TYROBP: variants seen among roughly 807,000 people sequenced by gnomAD.
TYROBP encodes the protein transmembrane immune signaling adaptor TYROBP.
In TYROBP, 14 loss-of-function variants were observed where a neutral mutation model predicts 17.1. The ratio of observed to expected loss-of-function variants is 0.82; its 90% CI spans 0.54 to 1.28. The LOEUF is 1.28. Ranked by LOEUF, TYROBP falls within the 50% of genes most tolerant of loss-of-function variation. TYROBP has a pLI of 0.00. For missense variants in TYROBP, 161 were observed against 151.4 expected (o/e 1.06, Z -0.33); for synonymous variants, 73 against 67.4 (o/e 1.08, Z -0.41).
chr19:35,905,619 C>G (rs886110074), intron 4 of TYROBP, among the ~76,000 whole-genome samples: 4 of 151,014 alleles, frequency 2.6e-5, no homozygotes, highest in African/African-American at 9.7e-5. Context: ...TTGAGACCAG[C>G]CTGGGCAACA....
At chr19:35,907,395 C>T (rs1568504655) in intron 3 of TYROBP, 51 bp downstream of exon 3, 1 of 1,593,930 alleles carries the variant, frequency 6.3e-7, no homozygotes, top group South Asian at 1.1e-5. Context: ...ACCCAGCCCC[C>T]CACCCCCATC....
chr19:35,907,234 G>C lies in TYROBP; in HGVS notation c.260C>G (p.Thr87Ser), dbSNP rs143768611. ...AATRKQRITE[T>S]ESPYQELQGQ... is the part of the protein sequence containing the mutation. ...TTTTCTCACCTGATAAGGCGACTCG[G>C]TCTCAGTGATACGCTGTTTCCGGGT... Residue 87 changes from threonine to serine, a missense_variant, in exon 4 of 5, where the codon ACC (threonine) becomes AGC (serine). Physicochemically the swap from Thr to Ser is moderately conservative, Grantham distance 58. Transcript: ENST00000262629. 6.2e-7 allele frequency: 1 copy of C among 1,606,834 alleles called. No individual in the cohort carries two copies. Among genetic ancestry groups the C allele is most frequent in the Admixed American group, 1.7e-5 (1 of 58,040 alleles).
rs372140827 is a variant in TYROBP at position 35,907,535 on chromosome 19, A to G, written c.140T>C (p.Val47Ala). ...TVSPGVLAGI[V>A]MGDLVLTVLI... Reference sequence around the variant, plus strand: ...CACTGTCAGCACCAGGTCTCCCATCACGATCCCTGCCAGCACGCCCGGGCT... The same window carrying G: ...CACTGTCAGCACCAGGTCTCCCATCGCGATCCCTGCCAGCACGCCCGGGCT... The change falls in exon 3 of 5, where the codon GTG (valine) becomes GCG (alanine). Residue 47 changes from valine to alanine, a missense_variant. Physicochemically the swap from Val to Ala is moderately conservative, Grantham distance 64 (BLOSUM62 0). Transcript: ENST00000262629. 133 of 1,614,018 alleles carry G rather than the reference A, an allele frequency of 8.2e-5. No homozygotes were observed. The Middle Eastern group carries it at 1.3e-3, about 16-fold the overall frequency.
chr19:35,908,016 G>T, intron 1 of TYROBP, 152 bp downstream of exon 1: 1 of 805,274 alleles, frequency 1.2e-6, no homozygotes, highest in Non-Finnish European at 2.1e-6. Context: ...TTGGGGGCTT[G>T]GGCTCTGGGA....
Position 35,907,552 on chromosome 19 carries a change from G to GC in TYROBP, c.122dup (p.Val42ArgfsTer45). ...CTCCCATCACGATCCCTGCCAGCAC[G>GC]CCCGGGCTCACCGTAGAGCAACTGC... is the stretch of plus-strand genomic sequence containing the variant. On this transcript the variant is annotated frameshift_variant, in exon 3 of 5. Transcript: ENST00000262629. LOFTEE classifies it high-confidence loss of function. 6.2e-7 allele frequency: 1 copy of GC among 1,614,056 alleles called. No individual in the cohort carries two copies. The highest frequency in any genetic ancestry group is 8.5e-7 in the Non-Finnish European group (1 of 1,179,998).
In TYROBP at chr19:35,905,660, A is replaced by G. The variant is rs1286068288; in HGVS notation, c.277-1026T>C. Among the ~76,000 whole-genome samples the G allele has an allele frequency of 2.6e-5, 4 of 151,702 alleles. No homozygotes were observed. The East Asian group carries it at 7.8e-4, about 30-fold the overall frequency. On this transcript the variant is annotated intron_variant, in intron 4 of 4. Transcript: ENST00000262629. Reference sequence around the variant, plus strand: ...AGAACCTATCTCTACTTTAAAAAAAAAAAAAAAATTAAGGCCGGGCGCGGT... The same window carrying G: ...AGAACCTATCTCTACTTTAAAAAAAGAAAAAAAATTAAGGCCGGGCGCGGT...
chr19:35,908,113 TG>T lies in TYROBP; in HGVS notation c.61+54del, dbSNP rs1193457152. ...TCTCGTTCCACCCCACTCCCTGCCC[TG>T]CCCCAAGCTGAGCCCAGGGACCCGG... is the stretch of plus-strand genomic sequence containing the variant. On this transcript the variant is annotated intron_variant, in intron 1 of 4. Coordinates refer to ENST00000262629, the MANE Select transcript of TYROBP (RefSeq NM_003332.4). 5.9e-4 allele frequency: 890 copies of T among 1,519,372 alleles called. 1 individual carries two copies. Among genetic ancestry groups the T allele is most frequent in the Non-Finnish European group, 7.2e-4 (796 of 1,098,600 alleles). 94.1% of individuals were successfully genotyped at this position (1,519,372 alleles called of 1,614,324 possible).
At chr19:35,908,072 C>G in intron 1 of TYROBP, 96 bp downstream of exon 1, 1 of 1,129,112 alleles carries the variant, frequency 8.9e-7, no homozygotes, top group East Asian at 2.5e-5. Context: ...CCCATCCCAA[C>G]ACCCACTTTT....
intron 4 of TYROBP, 40 bp downstream of exon 4, chr19:35,907,178 G>A: frequency 1.3e-6 from 2 of 1,566,484 alleles, no homozygotes; most frequent in Non-Finnish European, 1.7e-6. Context: ...GATATCCCTG[G>A]CAGGAGTGAA....
Position 35,905,556 on chromosome 19 carries a change from T to C in TYROBP, c.277-922A>G, listed in dbSNP as rs558369784. On this transcript the variant is annotated intron_variant, in intron 4 of 4. Coordinates refer to ENST00000262629, the MANE Select transcript of TYROBP (RefSeq NM_003332.4). ...AGCCAGGCATGGTGACTCATGCCTA[T>C]AATCCCAGCACTTTGGGAGACCGAG... Among the ~76,000 whole-genome samples, 7 of 151,942 alleles carry C rather than the reference T, an allele frequency of 4.6e-5. No individual in the cohort carries two copies. The East Asian group carries it at 1.4e-3, about 29-fold the overall frequency.
chr19:35,908,014 T>C (rs561379728), intron 1 of TYROBP, among the ~76,000 whole-genome samples, 154 bp downstream of exon 1: 27 of 152,218 alleles, frequency 1.8e-4, no homozygotes, highest in African/African-American at 6.5e-4. Context: ...ACTTGGGGGC[T>C]TGGGCTCTGG....
intron 1 of TYROBP, 133 bp from the exon 2 acceptor site, chr19:35,907,895 CAG>C: frequency 6.2e-6 from 6 of 974,532 alleles, no homozygotes; most frequent in Admixed American, 6.0e-5. Context: ...TGGCGGGACT[CAG>C]GGGGCTGGCG....
At chr19:35,907,674 C>G (rs377715073) in intron 2 of TYROBP, 56 bp downstream of exon 2, 77 of 1,613,176 alleles carry the variant, frequency 4.8e-5, no homozygotes, top group Non-Finnish European at 6.4e-5. Context: ...GTGGGAGAGA[C>G]GGAGACAGGG....
chr19:35,906,129 T>C (rs1207219019), intron 4 of TYROBP, among the ~76,000 whole-genome samples: 1 of 151,328 alleles, frequency 6.6e-6, no homozygotes, highest in African/African-American at 2.4e-5. Context: ...CTTTTTTTTT[T>C]TTTTGAGATG....
At position 35,907,455 on chromosome 19, in the gene TYROBP, C is replaced by T. The variant is rs760287368; in HGVS notation, c.220G>A (p.Ala74Thr). The T allele has an allele frequency of 1.9e-6, 3 of 1,613,222 alleles. No individual in the cohort carries two copies. The highest frequency in any genetic ancestry group is 2.5e-6 in the Non-Finnish European group (3 of 1,179,972). Residue 74 changes from alanine (A) to threonine (T), a missense_variant, in exon 3 of 5, where the codon GCT becomes ACT. Physicochemically the swap from Ala to Thr is moderately conservative, Grantham distance 58. Coordinates refer to ENST00000262629, the MANE Select transcript of TYROBP (RefSeq NM_003332.4). The part of the protein sequence containing the change: ...LGRLVPRGRG[A>T]AEAATRKQRI... ...TGCTAGCCCCACTCACCCTCCGCAG[C>T]CCCTCGCCCCCGAGGGACCAGCCGG...
chr19:35,907,622 CTG>C, intron 2 of TYROBP, 42 bp from the exon 3 acceptor site: 1 of 1,613,782 alleles, frequency 6.2e-7, no homozygotes, highest in Non-Finnish European at 8.5e-7. Context: ...GTGCTGGGAA[CTG>C]TGGGGAGGGG....
chr19:35,904,583 G>T lies in TYROBP; in HGVS notation c.328C>A (p.Pro110Thr). 3 of 1,613,600 alleles carry T rather than the reference G, an allele frequency of 1.9e-6. No homozygotes were observed. The highest frequency in any genetic ancestry group is 2.5e-6 in the Non-Finnish European group (3 of 1,179,894). Residue 110 changes from proline to threonine, a missense_variant, in exon 5 of 5, where the codon CCG (proline) becomes ACG (threonine). Coordinates refer to ENST00000262629, the MANE Select transcript of TYROBP (RefSeq NM_003332.4). The part of the protein sequence containing the change: ...DVYSDLNTQR[P>T]YYK ...ATGATTCGGGCTCATTTGTAATACG[G>T]CCTCTGTGTGTTGAGGTCGCTGTAG...
chr19:35,905,030 T>C (rs987207940), intron 4 of TYROBP, among the ~76,000 whole-genome samples: 2 of 152,134 alleles, frequency 1.3e-5, no homozygotes, highest in Non-Finnish European at 2.9e-5. Flanking sequence ...TTTGTTCATT[T>C]GCTTTAAGTT....
At chr19:35,907,967 A>AGCGG (rs1555779568) in intron 1 of TYROBP, among the ~76,000 whole-genome samples, 2 of 152,120 alleles carry the variant, frequency 1.3e-5, no homozygotes, top group Non-Finnish European at 2.9e-5. Context: ...CAACACACTT[A>AGCGG]GATGTCTCTT....
Sources: gnomAD v4.1 joint callset for allele counts (sites outside exome capture counted in the v4.1 genomes callset) on GRCh38, gnomAD v4.1.1 for gene constraint, MANE v1.5 for transcripts, NCBI Gene and HGNC (gene_info 2026-07-23, HGNC 2026-07-21) for gene names.